SEMA3E: variants seen among roughly 807,000 people sequenced by gnomAD.
SEMA3E encodes semaphorin-3E.
Under a neutral mutation model 93.6 loss-of-function variants are expected in SEMA3E, and 49 were observed. That is an observed-to-expected ratio of 0.52 (90% CI 0.42 to 0.66). The LOEUF is 0.66. Among genes scored for constraint, SEMA3E ranks in the 30% least tolerant of loss-of-function variants. SEMA3E has a pLI of 0.00. For synonymous variants in SEMA3E, 363 were observed against 330.7 expected, an observed-to-expected ratio of 1.10 and a Z score of -1.06; for missense variants, 906 against 964.8, an observed-to-expected ratio of 0.94 and a Z score of 0.81.
Position 83,363,405 on chromosome 7 carries a change from G to A in SEMA3E, c.*4181C>T, listed in dbSNP as rs1176535219. 6.6e-6 allele frequency: 1 copy of A among 152,130 alleles called. No individual in the cohort carries two copies. The highest frequency in any genetic ancestry group is 1.5e-5 in the Non-Finnish European group (1 of 68,030). The allele number at this position is 152,130 out of a possible 1,614,324, so 9.4% of individuals were successfully genotyped here. ...AGATGCTAATAAGTCTCATGGCTTA[G>A]AATCAGTGAAAAGAAAGAATATGGC... On this transcript the variant is annotated 3_prime_UTR_variant, in exon 17 of 17. Transcript: ENST00000643230.
At chr7:83,407,514 C>A (rs1217585820) in intron 6 of SEMA3E, among the ~76,000 whole-genome samples, 2 of 152,010 alleles carry the variant, frequency 1.3e-5, no homozygotes, top group East Asian at 1.9e-4. Context: ...AAACAACATG[C>A]AATGCGAACT....
At chr7:83,634,693 G>A (rs1415413183) in intron 1 of SEMA3E, among the ~76,000 whole-genome samples, 1 of 151,860 alleles carries the variant, frequency 6.6e-6, no homozygotes, top group Non-Finnish European at 1.5e-5. Flanking sequence ...CCATATGAAT[G>A]TGTTACAGGA....
chr7:83,518,547 A>G (rs1790981164), intron 1 of SEMA3E, among the ~76,000 whole-genome samples: 1 of 152,116 alleles, frequency 6.6e-6, no homozygotes, highest in South Asian at 2.1e-4. Context: ...AATCACTTAA[A>G]CTTATTTCAG....
intron 1 of SEMA3E, among the ~76,000 whole-genome samples, chr7:83,624,345 T>C (rs1186361037): frequency 6.6e-6 from 1 of 152,218 alleles, no homozygotes; most frequent in Non-Finnish European, 1.5e-5. Flanking sequence ...CAACCAACAG[T>C]GTAAAAGCAT....
At position 83,634,978 on chromosome 7, in the gene SEMA3E, T is replaced by A. The variant is rs117690805; in HGVS notation, c.115+13450A>T. 9.4e-3 allele frequency among the ~76,000 whole-genome samples: 1,427 copies of A among 152,216 alleles called. 15 individuals are homozygous for A. The highest frequency in any genetic ancestry group is 0.046 in the East Asian group (238 of 5,182). ...ATTTACGTTTTGATTATGGGTGATA[T>A]GGTTATTCTAAGAATATACCATATG... On this transcript the variant is annotated intron_variant, in intron 1 of 16. Transcript: ENST00000643230.
At chr7:83,514,726 A>G (rs1451466056) in intron 1 of SEMA3E, among the ~76,000 whole-genome samples, 1 of 152,074 alleles carries the variant, frequency 6.6e-6, no homozygotes, top group East Asian at 1.9e-4. Flanking sequence ...TCTAAAGGGG[A>G]AAAAAAGCAA....
At chr7:83,647,965 A>C (rs1794100772) in intron 1 of SEMA3E, among the ~76,000 whole-genome samples, 1 of 152,106 alleles carries the variant, frequency 6.6e-6, no homozygotes, top group Admixed American at 6.6e-5. Flanking sequence ...TCTTACCTCC[A>C]TTATGGAAAC....
At position 83,507,421 on chromosome 7, in the gene SEMA3E, ACT is replaced by A. The variant is rs1491397317; in HGVS notation, c.116-17149_116-17148del. On this transcript the variant is annotated intron_variant, in intron 1 of 16. Coordinates refer to ENST00000643230, the MANE Select transcript of SEMA3E (RefSeq NM_012431.3). ...CTGGGATTTATCACTTCAAAACAGA[ACT>A]CTGTGTGTGTGTGTGTGTGTGTGTG... Among the ~76,000 whole-genome samples the A allele has an allele frequency of 8.1e-4, 73 of 90,258 alleles. 1 individual carries two copies. The East Asian group carries it at 0.022, about 27-fold the overall frequency. 59.2% of individuals were successfully genotyped at this position (90,258 alleles called of 152,430 possible).
chr7:83,438,137 T>A (rs2713167), intron 4 of SEMA3E, among the ~76,000 whole-genome samples: 1 of 151,820 alleles, frequency 6.6e-6, no homozygotes, highest in Non-Finnish European at 1.5e-5. Flanking sequence ...TGTAATAATA[T>A]CTTTGGTATT....
At chr7:83,586,888 A>G (rs959972292) in intron 1 of SEMA3E, among the ~76,000 whole-genome samples, 2 of 152,116 alleles carry the variant, frequency 1.3e-5, no homozygotes, top group African/African-American at 4.8e-5. Context: ...ATGAAGATAG[A>G]GAAAAGACAG....
intron 4 of SEMA3E, among the ~76,000 whole-genome samples, chr7:83,420,491 T>C (rs563541554): frequency 5.3e-5 from 8 of 152,156 alleles, no homozygotes; most frequent in South Asian, 4.1e-4. Flanking sequence ...AGAGCCTGAA[T>C]AGCCAAAGTA....
At chr7:83,601,840 C>T (rs1343287932) in intron 1 of SEMA3E, among the ~76,000 whole-genome samples, 4 of 152,194 alleles carry the variant, frequency 2.6e-5, no homozygotes, top group Non-Finnish European at 5.9e-5. Context: ...GTTCGTGAAA[C>T]ATCCCCTTAT....
chr7:83,475,335 A>G (rs967865080), intron 2 of SEMA3E, among the ~76,000 whole-genome samples: 1 of 152,084 alleles, frequency 6.6e-6, no homozygotes, highest in African/African-American at 2.4e-5. Context: ...TAGCGTTTTT[A>G]TACATCTTTT....
intron 1 of SEMA3E, among the ~76,000 whole-genome samples, chr7:83,502,908 T>C (rs1482352323): frequency 6.6e-6 from 1 of 152,144 alleles, no homozygotes; most frequent in Non-Finnish European, 1.5e-5. Flanking sequence ...ACTGTCCTCA[T>C]TGTGAAATAG....
intron 1 of SEMA3E, chr7:83,616,727 CTT>C (rs542862891): frequency 4.7e-3 from 1,925 of 406,018 alleles, no homozygotes; most frequent in East Asian, 8.1e-3. Flanking sequence ...TTCTTTCTTT[CTT>C]TTTTTTTTTT....
At position 83,433,073 on chromosome 7, in the gene SEMA3E, A is replaced by G. The variant is rs572387928; in HGVS notation, c.457-14590T>C. 4.7e-4 allele frequency among the ~76,000 whole-genome samples: 71 copies of G among 152,248 alleles called. 1 individual carries two copies. The South Asian group carries it at 0.015, about 32-fold the overall frequency. On this transcript the variant is annotated intron_variant, in intron 4 of 16. Coordinates refer to ENST00000643230, the MANE Select transcript of SEMA3E (RefSeq NM_012431.3). ...CATTGTACATATATTGAATTTTTAA[A>G]CAAATAATTTTAACTACATTAATTT... is the stretch of plus-strand genomic sequence containing the variant.
chr7:83,605,571 C>G (rs1584359758), intron 1 of SEMA3E, among the ~76,000 whole-genome samples: 1 of 151,924 alleles, frequency 6.6e-6, no homozygotes, highest in Non-Finnish European at 1.5e-5. Flanking sequence ...GCTGGGATTA[C>G]AGGCACCCAC....
chr7:83,564,129 TA>T (rs1211074465), intron 1 of SEMA3E, among the ~76,000 whole-genome samples: 1 of 152,208 alleles, frequency 6.6e-6, no homozygotes, highest in East Asian at 1.9e-4. Flanking sequence ...TCACTTTCTC[TA>T]AAAAGCCATT....
intron 4 of SEMA3E, among the ~76,000 whole-genome samples, chr7:83,435,997 A>T (rs1466207014): frequency 6.6e-6 from 1 of 152,166 alleles, no homozygotes; most frequent in Admixed American, 6.5e-5. Context: ...TGTATAGATT[A>T]CATTGATGTT....
Sources: gnomAD v4.1 joint callset for allele counts (sites outside exome capture counted in the v4.1 genomes callset) on GRCh38, gnomAD v4.1.1 for gene constraint, MANE v1.5 for transcripts, NCBI Gene and HGNC (gene_info 2026-07-23, HGNC 2026-07-21) for gene names.